UBE2H: variants seen among roughly 807,000 people sequenced by gnomAD.
UBE2H encodes the protein ubiquitin-conjugating enzyme E2 H.
In UBE2H, 3 loss-of-function variants were observed where a neutral mutation model predicts 29.0. The ratio of observed to expected loss-of-function variants is 0.10; its 90% CI spans 0.05 to 0.27. UBE2H has a LOEUF of 0.27. Ranked by LOEUF, UBE2H falls within the 10% of genes least tolerant of loss-of-function variation. UBE2H has a pLI of 1.00. For missense variants in UBE2H, 68 were observed against 228.2 expected (o/e 0.30, Z 4.52); for synonymous variants, 69 against 82.9 (o/e 0.83, Z 0.91).
At chr7:129,871,932 T>G (rs1022875741) in intron 3 of UBE2H, among the ~76,000 whole-genome samples, 1 of 152,000 alleles carries the variant, frequency 6.6e-6, no homozygotes. Context: ...CTGCAACCTC[T>G]GCCTCCTGGG....
intron 1 of UBE2H, among the ~76,000 whole-genome samples, chr7:129,904,912 G>C (rs566832863): frequency 4.6e-5 from 7 of 152,304 alleles, no homozygotes; most frequent in African/African-American, 1.7e-4. Context: ...GAAGCCAAAG[G>C]TGTTTTCAAG....
At chr7:129,928,389 G>C (rs963545321) in intron 1 of UBE2H, among the ~76,000 whole-genome samples, 10 of 152,300 alleles carry the variant, frequency 6.6e-5, no homozygotes, top group Admixed American at 6.5e-4. Context: ...GATCATTTGA[G>C]GTCAGGAGTT....
intron 5 of UBE2H, among the ~76,000 whole-genome samples, chr7:129,843,038 A>G (rs1805454530): frequency 7.1e-6 from 1 of 141,678 alleles, no homozygotes; most frequent in Admixed American, 7.4e-5. Context: ...TCTTGCTGTC[A>G]ACCAGGCTGG....
chr7:129,921,589 C>T (rs986943198), intron 1 of UBE2H, among the ~76,000 whole-genome samples: 1 of 148,646 alleles, frequency 6.7e-6, no homozygotes, highest in African/African-American at 2.5e-5. Context: ...GTCCCAGCTA[C>T]TTGGGAGGCT....
Position 129,839,346 on chromosome 7 carries a change from A to G in UBE2H, c.299-11T>C. Reference sequence around the variant, plus strand: ...ATATATTGGTAAGATCTGAAAAACCAAACAAACATGTCACACATGGGAAAT... The same window carrying G: ...ATATATTGGTAAGATCTGAAAAACCGAACAAACATGTCACACATGGGAAAT... On this transcript the variant is annotated splice_polypyrimidine_tract_variant and intron_variant, in intron 5 of 6. Transcript: ENST00000355621. The G allele has an allele frequency of 6.2e-7, 1 of 1,612,736 alleles. No individual in the cohort carries two copies. Among genetic ancestry groups the G allele is most frequent in the Non-Finnish European group, 8.5e-7 (1 of 1,179,480 alleles).
chr7:129,867,126 A>C (rs1805919832), intron 3 of UBE2H, among the ~76,000 whole-genome samples: 1 of 152,224 alleles, frequency 6.6e-6, no homozygotes, highest in African/African-American at 2.4e-5. Context: ...GTCACACTAG[A>C]AATGGAAAAT....
chr7:129,940,182 T>G (rs192387765), intron 1 of UBE2H, among the ~76,000 whole-genome samples: 52 of 152,062 alleles, frequency 3.4e-4, no homozygotes, highest in African/African-American at 1.2e-3. Flanking sequence ...AAAGTGTACA[T>G]GATAACTTGA....
intron 5 of UBE2H, among the ~76,000 whole-genome samples, chr7:129,843,998 C>G (rs982607158): frequency 1.3e-5 from 2 of 152,112 alleles, no homozygotes; most frequent in African/African-American, 4.8e-5. Flanking sequence ...GATTTTATAC[C>G]CTTTCCTACT....
chr7:129,944,835 C>T lies in UBE2H; in HGVS notation c.53+7668G>A, dbSNP rs189484969. On this transcript the variant is annotated intron_variant, in intron 1 of 6. Transcript: ENST00000355621. ...AAAAAGCGTATATCCATACAATGTT[C>T]ATAGCAACTTTACTGGTAATAGCCC... Among the ~76,000 whole-genome samples, 148 of 151,892 alleles carry T rather than the reference C, an allele frequency of 9.7e-4. 3 individuals carry two copies. The highest frequency in any genetic ancestry group is 2.3e-3 in the Admixed American group (35 of 15,214).
intron 3 of UBE2H, among the ~76,000 whole-genome samples, chr7:129,875,767 T>A (rs1244273600): frequency 6.6e-6 from 1 of 152,232 alleles, no homozygotes; most frequent in Non-Finnish European, 1.5e-5. Flanking sequence ...TAACTGCAAG[T>A]CTGTTTGGTG....
intron 1 of UBE2H, among the ~76,000 whole-genome samples, chr7:129,951,081 G>A (rs765891644): frequency 1.5e-4 from 23 of 152,112 alleles, no homozygotes; most frequent in Non-Finnish European, 1.6e-4. Context: ...TTTCTGAAAA[G>A]ATTATTTTTT....
At chr7:129,944,316 A>C (rs1807710264) in intron 1 of UBE2H, among the ~76,000 whole-genome samples, 1 of 152,090 alleles carries the variant, frequency 6.6e-6, no homozygotes, top group South Asian at 2.1e-4. Context: ...AGATCGCGCC[A>C]CTACACTCAG....
At chr7:129,891,342 C>T (rs1246783660) in intron 1 of UBE2H, among the ~76,000 whole-genome samples, 3 of 151,842 alleles carry the variant, frequency 2.0e-5, no homozygotes, top group Non-Finnish European at 4.4e-5. Context: ...TGCGCCACCG[C>T]ACCTGGCTAA....
chr7:129,932,153 C>T (rs553906731), intron 1 of UBE2H, among the ~76,000 whole-genome samples: 6 of 140,772 alleles, frequency 4.3e-5, no homozygotes, highest in East Asian at 4.4e-4. Flanking sequence ...GATGGAGTCT[C>T]GCTCTTGTTG....
At chr7:129,912,175 G>A (rs150140883) in intron 1 of UBE2H, among the ~76,000 whole-genome samples, 40 of 152,244 alleles carry the variant, frequency 2.6e-4, no homozygotes, top group Middle Eastern at 3.4e-3. Flanking sequence ...ATCCATTTAC[G>A]TATTATTGAT....
intron 1 of UBE2H, among the ~76,000 whole-genome samples, chr7:129,883,579 C>T (rs1236112742): frequency 4.6e-5 from 7 of 152,244 alleles, no homozygotes; most frequent in Admixed American, 6.5e-5. Flanking sequence ...CAGTGGCTCA[C>T]GCCTGTAATC....
At chr7:129,907,987 G>A (rs1806854191) in intron 1 of UBE2H, among the ~76,000 whole-genome samples, 1 of 152,074 alleles carries the variant, frequency 6.6e-6, no homozygotes, top group Non-Finnish European at 1.5e-5. Context: ...CCATGATAGA[G>A]TATTTATACC....
chr7:129,839,184 G>C, intron 6 of UBE2H, 23 bp downstream of exon 6: 2 of 1,605,966 alleles, frequency 1.2e-6, no homozygotes, highest in Non-Finnish European at 1.7e-6. Flanking sequence ...TTTGTCTCCA[G>C]GTTAAACTAC....
At chr7:129,860,239 C>T (rs371388314) in intron 3 of UBE2H, among the ~76,000 whole-genome samples, 1 of 152,138 alleles carries the variant, frequency 6.6e-6, no homozygotes, top group South Asian at 2.1e-4. Context: ...GTCACTCACA[C>T]TTTTAACTTT....
Sources: allele counts gnomAD v4.1 joint callset (sites outside exome capture counted in the v4.1 genomes callset), GRCh38; gene constraint gnomAD v4.1.1; transcripts MANE v1.5; gene names NCBI Gene and HGNC (gene_info 2026-07-23, HGNC 2026-07-21).